The following OSBPL3 variants were observed in gnomAD, a reference collection of about 807,000 sequenced individuals.
OSBPL3 encodes oxysterol-binding protein-related protein 3.
OSBPL3 carries 65 observed loss-of-function variants against 120.1 expected under a neutral mutation model. That is an observed-to-expected ratio of 0.54 (90% CI 0.44 to 0.67). The LOEUF is 0.67. OSBPL3 is among the 30% of genes least tolerant of loss of function. OSBPL3 has a pLI of 0.00. For missense variants in OSBPL3, 1,004 were observed against 1,082.1 expected (o/e 0.93, Z 1.01); for synonymous variants, 416 against 402.6 (o/e 1.03, Z -0.40).
At position 24,964,266 on chromosome 7, in the gene OSBPL3, T is replaced by C. The variant is rs1816127275; in HGVS notation, c.-150+15620A>G. ...TGCATAATAACTTACTTCCAAAGAGTATAGTATGGAAAGGCGAAGAAAAAA... is the reference window on the plus strand; with the variant it reads ...TGCATAATAACTTACTTCCAAAGAGCATAGTATGGAAAGGCGAAGAAAAAA... On this transcript the variant is annotated intron_variant, in intron 1 of 22. Transcript: ENST00000313367. The surrounding 1 kb of genome is among the most constrained non-coding windows in gnomAD (Gnocchi z 4.2). Among the ~76,000 whole-genome samples, 2 of 152,006 alleles carry C rather than the reference T, an allele frequency of 1.3e-5. No homozygotes were observed. The highest frequency in any genetic ancestry group is 4.8e-5 in the African/African-American group (2 of 41,356).
At chr7:24,914,485 A>G (rs1809274642) in intron 1 of OSBPL3, among the ~76,000 whole-genome samples, 1 of 152,154 alleles carries the variant, frequency 6.6e-6, no homozygotes, top group African/African-American at 2.4e-5. Context: ...GCTATACTGG[A>G]GAGCCCAGTT....
chr7:24,917,009 G>A (rs1174784812), intron 1 of OSBPL3, among the ~76,000 whole-genome samples: 2 of 152,002 alleles, frequency 1.3e-5, no homozygotes, highest in Non-Finnish European at 2.9e-5. Context: ...GGTAGAGAGA[G>A]GGAAGGAAAA....
At chr7:24,884,068 CA>C (rs1804100784) in intron 2 of OSBPL3, among the ~76,000 whole-genome samples, 2 of 135,306 alleles carry the variant, frequency 1.5e-5, no homozygotes, top group African/African-American at 6.0e-5. Context: ...AGAAAACAAA[CA>C]AACAAACAAC....
rs1213105807 is a variant in OSBPL3, at chr7:24,955,418, T to C, written c.-150+24468A>G. 6.6e-6 allele frequency among the ~76,000 whole-genome samples: 1 copy of C among 152,236 alleles called. No homozygotes were observed. Among genetic ancestry groups the C allele is most frequent in the African/African-American group, 2.4e-5 (1 of 41,466 alleles). The stretch of plus-strand genomic sequence containing the variant: ...GCTGGGAATACAGTGGTAGACAAGA[T>C]ACATGTTGTTCCTGCTCTCACAGAG... On this transcript the variant is annotated intron_variant, in intron 1 of 22. Transcript: ENST00000313367. The surrounding 1 kb of genome is among the most constrained non-coding windows in gnomAD (Gnocchi z 4.3).
chr7:24,842,075 G>A (rs74454569), intron 13 of OSBPL3, among the ~76,000 whole-genome samples: 7,642 of 151,870 alleles, frequency 0.05, 416 homozygotes, highest in East Asian at 0.15. Context: ...AATATCCAAT[G>A]CTCTCTACTT....
intron 1 of OSBPL3, among the ~76,000 whole-genome samples, chr7:24,956,475 G>T (rs1438052775): frequency 6.6e-6 from 1 of 152,198 alleles, no homozygotes; most frequent in Non-Finnish European, 1.5e-5. Flanking sequence ...TTGTTGTTAC[G>T]AAGAACTGAA....
chr7:24,898,852 C>T lies in OSBPL3; in HGVS notation c.-149-6231G>A, dbSNP rs998465629. 6.6e-6 allele frequency among the ~76,000 whole-genome samples: 1 copy of T among 152,204 alleles called. No individual in the cohort carries two copies. Among genetic ancestry groups the T allele is most frequent in the African/African-American group, 2.4e-5 (1 of 41,458 alleles). On this transcript the variant is annotated intron_variant, in intron 1 of 22. Coordinates refer to ENST00000313367, the MANE Select transcript of OSBPL3 (RefSeq NM_015550.4). The surrounding 1 kb of genome is among the most constrained non-coding windows in gnomAD (Gnocchi z 4.3). ...CTATAACATGGCTAGATCATCACTG[C>T]TTGACCACTTCCTGTGACAGAAACA...
In OSBPL3 at chr7:24,881,711, TG is replaced by T. The variant is rs1562877213; in HGVS notation, c.97-9643del. 6.6e-6 allele frequency among the ~76,000 whole-genome samples: 1 copy of T among 152,186 alleles called. No homozygotes were observed. Among genetic ancestry groups the T allele is most frequent in the Non-Finnish European group, 1.5e-5 (1 of 68,030 alleles). On this transcript the variant is annotated intron_variant, in intron 2 of 22. Transcript: ENST00000313367. This position sits in a 1 kb window ranked among gnomAD's most constrained non-coding sequence, Gnocchi z 4.3. ...CAACTTGATGAGCAGTCACAAACTT[TG>T]GTGGCTTAAATAAACAGATATTTAT...
Position 24,872,448 on chromosome 7 carries a change from AGTGTGTGTGTGT to A in OSBPL3, c.97-391_97-380del, listed in dbSNP as rs371127031. 2.8e-4 allele frequency among the ~76,000 whole-genome samples: 40 copies of A among 144,982 alleles called. No individual in the cohort carries two copies. The highest frequency in any genetic ancestry group is 2.6e-3 in the South Asian group (12 of 4,548). The stretch of plus-strand genomic sequence containing the variant: ...TCAGTCTGAATTTTAACCGAAAGAG[AGTGTGTGTGTGT>A]GTGTGTGTGTGTGTGTGTGTGTGTG... On this transcript the variant is annotated intron_variant, in intron 2 of 22. Coordinates refer to ENST00000313367, the MANE Select transcript of OSBPL3 (RefSeq NM_015550.4). This position sits in a 1 kb window ranked among gnomAD's most constrained non-coding sequence, Gnocchi z 4.1.
intron 1 of OSBPL3, among the ~76,000 whole-genome samples, chr7:24,973,278 A>T (rs963150100): frequency 1.3e-5 from 2 of 152,220 alleles, no homozygotes; most frequent in African/African-American, 4.8e-5. Flanking sequence ...GTAAACACAG[A>T]CATATAGACA....
In OSBPL3 at chr7:24,936,041, G is replaced by T. The variant is rs908857011; in HGVS notation, c.-149-43420C>A. Among the ~76,000 whole-genome samples the T allele has an allele frequency of 8.0e-6, 1 of 125,770 alleles. No homozygotes were observed. Among genetic ancestry groups the T allele is most frequent in the Non-Finnish European group, 1.6e-5 (1 of 62,520 alleles). 82.5% of individuals were successfully genotyped at this position (125,770 alleles called of 152,430 possible). On this transcript the variant is annotated intron_variant, in intron 1 of 22. Coordinates refer to ENST00000313367, the MANE Select transcript of OSBPL3 (RefSeq NM_015550.4). This position sits in a 1 kb window ranked among gnomAD's most constrained non-coding sequence, Gnocchi z 4.2. The stretch of plus-strand genomic sequence containing the variant: ...AAAGCTATCCCTCCCCCCTCCCCAG[G>T]AATCTTTTTTTTTTATCACCATTTA...
intron 1 of OSBPL3, among the ~76,000 whole-genome samples, chr7:24,925,988 T>C (rs1177433644): frequency 6.6e-6 from 1 of 152,210 alleles, no homozygotes; most frequent in South Asian, 2.1e-4. Flanking sequence ...TAGCTAGAGA[T>C]TGAAATCTTA....
At chr7:24,884,781 C>G (rs1318278378) in intron 2 of OSBPL3, among the ~76,000 whole-genome samples, 1 of 152,142 alleles carries the variant, frequency 6.6e-6, no homozygotes, top group East Asian at 1.9e-4. Flanking sequence ...GCCGGAGATT[C>G]AAACACTGGC....
chr7:24,836,094 C>G (rs1001017308), intron 14 of OSBPL3, among the ~76,000 whole-genome samples: 1 of 151,798 alleles, frequency 6.6e-6, no homozygotes, highest in African/African-American at 2.4e-5. Context: ...TTTTTAAAGA[C>G]TGTAAAATAT....
chr7:24,863,233 T>A lies in OSBPL3; in HGVS notation c.837A>T (p.Arg279Ser), dbSNP rs1046500072. ...EKRSHRRWRS[R>S]AIGKDAKGTL... ...TTCCTTTAGCATCTTTGCCAATAGCTCTGGACCGCCACCTCCTGTGCGATC... is the reference window on the plus strand; with the variant it reads ...TTCCTTTAGCATCTTTGCCAATAGCACTGGACCGCCACCTCCTGTGCGATC... The change falls in exon 9 of 23, where the codon AGA becomes AGT. Residue 279 changes from arginine (R) to serine (S), a missense_variant. Physicochemically the swap from Arg to Ser is moderately radical, Grantham distance 110. This residue lies in a region of OSBPL3 where 272 missense variants were observed against 248.8 expected (regional missense o/e 1.09). Transcript: ENST00000313367. This position sits in a 1 kb window ranked among gnomAD's most constrained non-coding sequence, Gnocchi z 5.8. 9 of 1,614,022 alleles carry A rather than the reference T, an allele frequency of 5.6e-6. No individual in the cohort carries two copies. The highest frequency in any genetic ancestry group is 1.3e-5 in the African/African-American group (1 of 74,932).
rs919527157 is a variant in OSBPL3 at position 24,813,454 on chromosome 7, C to T, written c.2172+1605G>A. ...TCCTTGCAGAAAATGTTGAGAGCAA[C>T]GTGGCTTTCACCTGGGTCACGGGTA... On this transcript the variant is annotated intron_variant, in intron 19 of 22. Coordinates refer to ENST00000313367, the MANE Select transcript of OSBPL3 (RefSeq NM_015550.4). This position sits in a 1 kb window ranked among gnomAD's most constrained non-coding sequence, Gnocchi z 4.5. Among the ~76,000 whole-genome samples the T allele has an allele frequency of 5.3e-5, 8 of 152,172 alleles. No homozygotes were observed. Among genetic ancestry groups the T allele is most frequent in the Admixed American group, 2.0e-4 (3 of 15,282 alleles).
chr7:24,979,160 G>A (rs1378782308), intron 1 of OSBPL3, among the ~76,000 whole-genome samples: 3 of 152,300 alleles, frequency 2.0e-5, no homozygotes, highest in African/African-American at 7.2e-5. Context: ...TTCAGACAGA[G>A]TGCATAAGTC....
At position 24,852,692 on chromosome 7, in the gene OSBPL3, C is replaced by A; in HGVS notation, c.1028-58G>T. ...AGGAGGCATAATTAAAAACAAAATA[C>A]AGAAAAAAACATATCTCTTATAAAA... On this transcript the variant is annotated intron_variant, in intron 10 of 22. Transcript: ENST00000313367. The surrounding 1 kb of genome is among the most constrained non-coding windows in gnomAD (Gnocchi z 4.1). The A allele has an allele frequency of 1.8e-6, 2 of 1,121,076 alleles. No homozygotes were observed. The highest frequency in any genetic ancestry group is 1.2e-6 in the Non-Finnish European group (1 of 811,190). 69.4% of individuals were successfully genotyped at this position (1,121,076 alleles called of 1,614,324 possible). A position where few individuals can be genotyped will look rare whatever the true frequency, so the allele number is the denominator to read the frequency against.
In OSBPL3 at chr7:24,830,510, T is replaced by G. The variant is rs932818710; in HGVS notation, c.1884+258A>C. Among the ~76,000 whole-genome samples the G allele has an allele frequency of 6.6e-6, 1 of 152,182 alleles. No individual in the cohort carries two copies. Among genetic ancestry groups the G allele is most frequent in the Non-Finnish European group, 1.5e-5 (1 of 68,036 alleles). ...ATCCTTTCAAAATTCCTTGTGCTAATGATTTTAAAGAGAAAGGACACCGGC... is the reference window on the plus strand; with the variant it reads ...ATCCTTTCAAAATTCCTTGTGCTAAGGATTTTAAAGAGAAAGGACACCGGC... On this transcript the variant is annotated intron_variant, in intron 16 of 22. Transcript: ENST00000313367. This position sits in a 1 kb window ranked among gnomAD's most constrained non-coding sequence, Gnocchi z 4.4.
Sources: allele counts gnomAD v4.1 joint callset (sites outside exome capture counted in the v4.1 genomes callset), GRCh38; gene constraint gnomAD v4.1.1; regional missense constraint gnomAD v4.1.1; non-coding constraint Gnocchi (gnomAD v3.1); transcripts MANE v1.5; gene names NCBI Gene and HGNC (gene_info 2026-07-23, HGNC 2026-07-21).